Variants in UVRAG observed in about 807,000 individuals in gnomAD.
UVRAG encodes UV radiation resistance associated.
Under a neutral mutation model 78.0 loss-of-function variants are expected in UVRAG, and 19 were observed. The observed-to-expected ratio is 0.24, with a 90% CI of 0.17 to 0.36. The LOEUF (loss-of-function observed/expected upper bound fraction) is 0.36. UVRAG is among the 10% of genes least tolerant of loss of function. The pLI, the probability that UVRAG is intolerant of heterozygous loss-of-function variation, is 1.00. For missense variants in UVRAG, 740 were observed against 853.8 expected, an observed-to-expected ratio of 0.87 and a Z score of 1.66; for synonymous variants, 323 against 324.6, an observed-to-expected ratio of 1.00 and a Z score of 0.05.
At chr11:76,134,137 T>C (rs1002273736) in intron 14 of UVRAG, among the ~76,000 whole-genome samples, 7 of 151,938 alleles carry the variant, frequency 4.6e-5, no homozygotes, top group Admixed American at 4.6e-4. Flanking sequence ...ATTTTTGTAT[T>C]TTTAGTAGAG....
Position 76,141,219 on chromosome 11 carries a change from A to G in UVRAG, c.1906A>G (p.Ile636Val), listed in dbSNP as rs765849842. ...CCTVEQAEEIIGLEATGFASG... is the reference protein window; with the variant it reads ...CCTVEQAEEIVGLEATGFASG... ...TACTGTGGAGCAAGCAGAAGAAATC[A>G]TCGGGCTGGAAGCCACAGGTTTCGC... is the stretch of plus-strand genomic sequence containing the variant. Residue 636 changes from isoleucine (I) to valine (V), a missense_variant, in exon 15 of 15, where the codon ATC becomes GTC. By Grantham distance (29) the Ile-to-Val change is conservative. Transcript: ENST00000356136. The G allele has an allele frequency of 5.6e-6, 9 of 1,614,162 alleles. No individual in the cohort carries two copies. Among genetic ancestry groups the G allele is most frequent in the Non-Finnish European group, 5.9e-6 (7 of 1,180,034 alleles).
chr11:76,075,896 C>T (rs1157849949), intron 13 of UVRAG, among the ~76,000 whole-genome samples: 1 of 151,904 alleles, frequency 6.6e-6, no homozygotes, highest in East Asian at 1.9e-4. Flanking sequence ...AAGGTTTATC[C>T]ATTTTGTAGC....
chr11:75,999,439 G>C (rs1308578763), intron 8 of UVRAG, among the ~76,000 whole-genome samples: 3 of 151,858 alleles, frequency 2.0e-5, no homozygotes, highest in African/African-American at 7.3e-5. Flanking sequence ...CTGGAGTGCA[G>C]TGGTGCAATC....
chr11:75,843,775 A>G (rs1482597341), intron 1 of UVRAG, among the ~76,000 whole-genome samples: 1 of 152,088 alleles, frequency 6.6e-6, no homozygotes, highest in Admixed American at 6.6e-5. Context: ...CCTGGCCAAA[A>G]TGGCAAAACC....
intron 7 of UVRAG, among the ~76,000 whole-genome samples, chr11:75,975,753 A>G (rs1438182292): frequency 6.6e-5 from 10 of 152,198 alleles, no homozygotes; most frequent in African/African-American, 2.4e-4. Context: ...TTATCAGCTT[A>G]AGGAGATTTT....
At chr11:75,834,815 A>T (rs1213303114) in intron 1 of UVRAG, among the ~76,000 whole-genome samples, 1 of 152,096 alleles carries the variant, frequency 6.6e-6, no homozygotes, top group African/African-American at 2.4e-5. Flanking sequence ...CTCTGTCTCA[A>T]AAAAAACAAA....
intron 5 of UVRAG, among the ~76,000 whole-genome samples, chr11:75,896,682 A>G (rs1162010167): frequency 6.6e-6 from 1 of 152,176 alleles, no homozygotes; most frequent in Non-Finnish European, 1.5e-5. Flanking sequence ...TTTGTTAGTG[A>G]ATGAAGGTGA....
intron 13 of UVRAG, among the ~76,000 whole-genome samples, chr11:76,103,312 C>A (rs1432243581): frequency 6.6e-6 from 1 of 152,098 alleles, no homozygotes; most frequent in East Asian, 1.9e-4. Flanking sequence ...CCTACTACTC[C>A]CACCCATCAA....
chr11:76,004,970 G>C (rs1949901581), intron 9 of UVRAG, among the ~76,000 whole-genome samples: 1 of 151,878 alleles, frequency 6.6e-6, no homozygotes, highest in South Asian at 2.1e-4. Flanking sequence ...CTGTTCTTTT[G>C]GTCATCTTCA....
chr11:76,082,747 G>A (rs1951521333), intron 13 of UVRAG, among the ~76,000 whole-genome samples: 2 of 151,878 alleles, frequency 1.3e-5, no homozygotes, highest in Non-Finnish European at 2.9e-5. Context: ...TATCTACTTT[G>A]GGCCAGGTAT....
chr11:75,967,526 G>T (rs1373385020), intron 7 of UVRAG, among the ~76,000 whole-genome samples: 18 of 152,084 alleles, frequency 1.2e-4, no homozygotes, highest in Non-Finnish European at 2.9e-5. Context: ...TTGGGGGGAA[G>T]AATTACTACA....
intron 7 of UVRAG, among the ~76,000 whole-genome samples, chr11:75,976,219 A>C (rs1173917740): frequency 6.6e-6 from 1 of 152,196 alleles, no homozygotes; most frequent in Non-Finnish European, 1.5e-5. Flanking sequence ...GATGAAGCCC[A>C]CTTGATCATG....
intron 7 of UVRAG, among the ~76,000 whole-genome samples, chr11:75,965,712 T>G (rs1486570345): frequency 1.3e-5 from 2 of 152,230 alleles, no homozygotes; most frequent in African/African-American, 4.8e-5. Context: ...TTTAAATTTT[T>G]ATTTCTCATT....
chr11:76,131,242 C>A (rs1278356561), intron 14 of UVRAG, among the ~76,000 whole-genome samples: 1 of 152,118 alleles, frequency 6.6e-6, no homozygotes, highest in Non-Finnish European at 1.5e-5. Context: ...GTTGACTTGA[C>A]CCCTCCCAGG....
At chr11:76,048,177 T>A (rs1387017649) in intron 12 of UVRAG, among the ~76,000 whole-genome samples, 1 of 152,240 alleles carries the variant, frequency 6.6e-6, no homozygotes, top group African/African-American at 2.4e-5. Flanking sequence ...TAAAGATGTT[T>A]GGGCTTGAAA....
At chr11:75,922,361 A>C (rs1947996864) in intron 6 of UVRAG, among the ~76,000 whole-genome samples, 1 of 152,138 alleles carries the variant, frequency 6.6e-6, no homozygotes, top group Admixed American at 6.5e-5. Flanking sequence ...TTATAAGGAA[A>C]AGCTATACTT....
intron 13 of UVRAG, among the ~76,000 whole-genome samples, chr11:76,097,676 A>C (rs529653860): frequency 3.3e-5 from 5 of 152,158 alleles, no homozygotes; most frequent in African/African-American, 9.7e-5. Context: ...GGGGTTCAAT[A>C]TCTATTGATT....
At position 76,137,395 on chromosome 11, in the gene UVRAG, T is replaced by C. The variant is rs555000941; in HGVS notation, c.1398-3316T>C. 1.3e-5 allele frequency: 6 copies of C among 456,268 alleles called. No individual in the cohort carries two copies. The East Asian group carries it at 3.5e-4, about 26-fold the overall frequency. 28.3% of individuals were successfully genotyped at this position (456,268 alleles called of 1,614,324 possible). A position where few individuals can be genotyped will look rare whatever the true frequency, so the allele number is the denominator to read the frequency against. ...TTGTGTCATCGCTCAGTAATGTTCA[T>C]ATCAGTGGCCCAGAGGCAACGAGAA... On this transcript the variant is annotated intron_variant, in intron 14 of 14. Transcript: ENST00000356136.
chr11:76,067,987 G>C (rs61624710), intron 13 of UVRAG, among the ~76,000 whole-genome samples: 14,330 of 152,116 alleles, frequency 0.094, 1,518 homozygotes, highest in African/African-American at 0.26. Flanking sequence ...AAGGTCAGAA[G>C]GCTATTGGAA....
Sources: gnomAD v4.1 joint callset for allele counts (sites outside exome capture counted in the v4.1 genomes callset) on GRCh38, gnomAD v4.1.1 for gene constraint, MANE v1.5 for transcripts, NCBI Gene and HGNC (gene_info 2026-07-23, HGNC 2026-07-21) for gene names.